Variants in TSHZ3 observed in about 807,000 individuals in gnomAD.
TSHZ3 encodes teashirt homolog 3.
A neutral mutation model predicts 64.5 loss-of-function variants in TSHZ3; 10 were observed. That is an observed-to-expected ratio of 0.16 (90% CI 0.10 to 0.26). The LOEUF (loss-of-function observed/expected upper bound fraction) is 0.26. Among genes scored for constraint, TSHZ3 ranks in the 10% least tolerant of loss-of-function variants. The pLI, the probability that TSHZ3 is intolerant of heterozygous loss-of-function variation, is 1.00. For missense variants in TSHZ3, 1,242 were observed against 1,421.7 expected, an observed-to-expected ratio of 0.87 and a Z score of 2.03; for synonymous variants, 608 against 593.1, an observed-to-expected ratio of 1.03 and a Z score of -0.36.
At chr19:31,286,733 C>T (rs7258186) in intron 1 of TSHZ3, among the ~76,000 whole-genome samples, 20,727 of 152,202 alleles carry the variant, frequency 0.14, 2,024 homozygotes, top group Middle Eastern at 0.29. Flanking sequence ...AGTGGGCAGC[C>T]ACGCAGAACC....
At chr19:31,309,875 G>A (rs1916407525) in intron 1 of TSHZ3, among the ~76,000 whole-genome samples, 2 of 151,974 alleles carry the variant, frequency 1.3e-5, no homozygotes, top group Admixed American at 6.5e-5. Context: ...TGGTACCCAC[G>A]TCAGAATTAC....
intron 1 of TSHZ3, among the ~76,000 whole-genome samples, chr19:31,258,660 T>C (rs892586330): frequency 1.3e-5 from 2 of 152,150 alleles, no homozygotes; most frequent in Non-Finnish European, 2.9e-5. Flanking sequence ...CAGTGCCTTG[T>C]CCGTGAAAGA....
chr19:31,286,525 AG>A (rs1164667806), intron 1 of TSHZ3, among the ~76,000 whole-genome samples: 1 of 152,230 alleles, frequency 6.6e-6, no homozygotes, highest in Non-Finnish European at 1.5e-5. Flanking sequence ...ACAAGGAAAC[AG>A]GGATTCTGGC....
At chr19:31,314,974 GC>G (rs1916561571) in intron 1 of TSHZ3, among the ~76,000 whole-genome samples, 2 of 152,220 alleles carry the variant, frequency 1.3e-5, no homozygotes, top group South Asian at 4.1e-4. Flanking sequence ...CTCTACAGAT[GC>G]GTGCTGGACA....
intron 1 of TSHZ3, among the ~76,000 whole-genome samples, chr19:31,256,097 C>A (rs1431021685): frequency 6.6e-6 from 1 of 152,124 alleles, no homozygotes; most frequent in Non-Finnish European, 1.5e-5. Flanking sequence ...TCCCCATGTT[C>A]ACCCTCCCCG....
chr19:31,225,113 G>A (rs1195002394), intron 4 of TSHZ3, among the ~76,000 whole-genome samples: 1 of 152,180 alleles, frequency 6.6e-6, no homozygotes, highest in Non-Finnish European at 1.5e-5. Context: ...TCAGAAAAGG[G>A]GGCATTAAAA....
chr19:31,270,464 C>T (rs1468044802), downstream of TSHZ3, among the ~76,000 whole-genome samples: 2 of 152,212 alleles, frequency 1.3e-5, no homozygotes, highest in Admixed American at 6.5e-5. Context: ...CGCCACCATG[C>T]TCAGCTAATT....
At position 31,349,369 on chromosome 19, in the gene TSHZ3, GC is replaced by G; in HGVS notation, c.-151del. The G allele has an allele frequency of 3.4e-6, 2 of 593,406 alleles. No individual in the cohort carries two copies. The highest frequency in any genetic ancestry group is 5.1e-6 in the Non-Finnish European group (2 of 393,354). The allele number at this position is 593,406 out of a possible 1,614,324, so 36.8% of individuals were successfully genotyped here. A position where few individuals can be genotyped will look rare whatever the true frequency, so the allele number is the denominator to read the frequency against. On this transcript the variant is annotated 5_prime_UTR_variant, in exon 1 of 2. Transcript: ENST00000240587. The stretch of plus-strand genomic sequence containing the variant: ...GCGGCCGCCCGCAGGATGCTGCTGC[GC>G]CCAGGCTCTCCGCGTCCCCCCCGCG...
intron 1 of TSHZ3, among the ~76,000 whole-genome samples, chr19:31,257,476 G>A (rs1049013644): frequency 3.3e-5 from 5 of 152,226 alleles, no homozygotes; most frequent in Non-Finnish European, 7.3e-5. Context: ...CCAGCCAATC[G>A]AAGGACACAC....
intron 1 of TSHZ3, among the ~76,000 whole-genome samples, chr19:31,334,111 T>C (rs1473758200): frequency 6.6e-6 from 1 of 152,138 alleles, no homozygotes; most frequent in African/African-American, 2.4e-5. Flanking sequence ...GCTGACTACG[T>C]GTTTGTTCTA....
At chr19:31,328,529 T>C (rs1424596136) in intron 1 of TSHZ3, among the ~76,000 whole-genome samples, 1 of 152,238 alleles carries the variant, frequency 6.6e-6, no homozygotes. Flanking sequence ...CATCCATGTT[T>C]CAAAGCTTGT....
intron 5 of TSHZ3, among the ~76,000 whole-genome samples, chr19:31,157,511 C>T (rs1057128491): frequency 6.6e-6 from 1 of 152,110 alleles, no homozygotes; most frequent in Non-Finnish European, 1.5e-5. Flanking sequence ...ACAATCTAGC[C>T]CATTACAGAA....
chr19:31,325,271 C>T (rs1916901296), intron 1 of TSHZ3, among the ~76,000 whole-genome samples: 1 of 152,182 alleles, frequency 6.6e-6, no homozygotes, highest in African/African-American at 2.4e-5. Flanking sequence ...CAGGGAATGA[C>T]ATGTGAACTT....
chr19:31,249,076 C>A (rs1217561198), intron 1 of TSHZ3, among the ~76,000 whole-genome samples: 1 of 151,932 alleles, frequency 6.6e-6, no homozygotes, highest in Non-Finnish European at 1.5e-5. Flanking sequence ...AAGACCATCA[C>A]TGAAATACAC....
At chr19:31,157,099 C>T (rs574804283) in intron 5 of TSHZ3, among the ~76,000 whole-genome samples, 83 of 137,284 alleles carry the variant, frequency 6.0e-4, no homozygotes, top group African/African-American at 2.1e-3. Context: ...TCTAACCTGG[C>T]ATTTTTTTTT....
rs1297477951 is a variant in TSHZ3 at position 31,307,809 on chromosome 19, T to G, written c.41-28057A>C. Reference sequence around the variant, plus strand: ...AGGCTCTGGCAGCCTTATTTCTGTTTTAGATTTGGTTTGTCATTGGGTATC... The same window carrying G: ...AGGCTCTGGCAGCCTTATTTCTGTTGTAGATTTGGTTTGTCATTGGGTATC... On this transcript the variant is annotated intron_variant, in intron 1 of 1. Coordinates refer to ENST00000240587, the MANE Select transcript of TSHZ3 (RefSeq NM_020856.4). Among the ~76,000 whole-genome samples, 4 of 152,172 alleles carry G rather than the reference T, an allele frequency of 2.6e-5. No individual in the cohort carries two copies. In the East Asian group the frequency reaches 5.8e-4, roughly 22 times the overall value.
intron 1 of TSHZ3, among the ~76,000 whole-genome samples, chr19:31,309,163 C>A (rs905476709): frequency 6.6e-6 from 1 of 152,230 alleles, no homozygotes; most frequent in Non-Finnish European, 1.5e-5. Context: ...CGGAAGGCAT[C>A]GCTTTGTACG....
chr19:31,277,746 G>C lies in TSHZ3; in HGVS notation c.2047C>G (p.Pro683Ala). 6.6e-7 allele frequency: 1 copy of C among 1,523,038 alleles called. No homozygotes were observed. The highest frequency in any genetic ancestry group is 8.8e-7 in the Non-Finnish European group (1 of 1,137,908). 94.3% of individuals were successfully genotyped at this position (1,523,038 alleles called of 1,614,324 possible). A position where few individuals can be genotyped will look rare whatever the true frequency, so the allele number is the denominator to read the frequency against. ...CCATTCTCCACCGGCTCAGCGAGGG[G>C]GCTCCCATCCTTGCACCCATCCCGC... is the stretch of plus-strand genomic sequence containing the variant. Reference protein sequence around the residue: ...PPRDGCKDGSPLAEPVENGKE... With the variant: ...PPRDGCKDGSALAEPVENGKE... Residue 683 changes from proline to alanine, a missense_variant, in exon 2 of 2, where the codon CCC (proline) becomes GCC (alanine). Physicochemically the swap from Pro to Ala is conservative, Grantham distance 27 (BLOSUM62 -1). Around this residue, in one of 4 missense-constraint regions of TSHZ3, gnomAD observed 550 missense variants for 545.1 expected, o/e 1.01. Coordinates refer to ENST00000240587, the MANE Select transcript of TSHZ3 (RefSeq NM_020856.4). The surrounding 1 kb of genome is among the most constrained non-coding windows in gnomAD (Gnocchi z 4.5).
chr19:31,182,242 A>C (rs568827862), intron 5 of TSHZ3, among the ~76,000 whole-genome samples: 1 of 152,226 alleles, frequency 6.6e-6, no homozygotes, highest in African/African-American at 2.4e-5. Context: ...ATCTTCCCAA[A>C]TAAACATTTC....
Sources: gnomAD v4.1 joint callset for allele counts (sites outside exome capture counted in the v4.1 genomes callset) on GRCh38, gnomAD v4.1.1 for gene constraint, gnomAD v4.1.1 regional missense constraint, Gnocchi (gnomAD v3.1) non-coding constraint, MANE v1.5 for transcripts, NCBI Gene and HGNC (gene_info 2026-07-23, HGNC 2026-07-21) for gene names.